THSD7B: variants seen among roughly 807,000 people sequenced by gnomAD.
The protein encoded by THSD7B is thrombospondin type-1 domain-containing protein 7B.
In THSD7B, 138 loss-of-function variants were observed where a neutral mutation model predicts 213.6. The ratio of observed to expected loss-of-function variants is 0.65; its 90% CI spans 0.56 to 0.74. The LOEUF is 0.74. THSD7B is among the 30% of genes least tolerant of loss of function. THSD7B has a pLI of 0.00. For synonymous variants in THSD7B, 742 were observed against 687.0 expected, an observed-to-expected ratio of 1.08 and a Z score of -1.25; for missense variants, 1,931 against 1,991.5, an observed-to-expected ratio of 0.97 and a Z score of 0.58.
intron 1 of THSD7B, among the ~76,000 whole-genome samples, chr2:136,860,976 G>A (rs1354579232): frequency 6.6e-6 from 1 of 152,254 alleles, no homozygotes; most frequent in Non-Finnish European, 1.5e-5. Flanking sequence ...TGCCTAGAAC[G>A]CTGTTTCGCA....
chr2:136,976,645 T>C (rs995877195), intron 2 of THSD7B, among the ~76,000 whole-genome samples: 1 of 151,832 alleles, frequency 6.6e-6, no homozygotes, highest in Non-Finnish European at 1.5e-5. Flanking sequence ...TTTTTTTTTC[T>C]TTTTTTGAGA....
chr2:136,920,107 G>A (rs959712779), intron 2 of THSD7B, among the ~76,000 whole-genome samples: 6 of 152,230 alleles, frequency 3.9e-5, no homozygotes, highest in Non-Finnish European at 7.3e-5. Context: ...GTGGGGGTGT[G>A]TTTCAGCCCT....
intron 2 of THSD7B, among the ~76,000 whole-genome samples, chr2:136,979,101 G>C (rs1208812096): frequency 1.3e-5 from 2 of 152,120 alleles, no homozygotes; most frequent in Non-Finnish European, 2.9e-5. Flanking sequence ...TTTTCTTTAA[G>C]AATGTTGAAT....
intron 2 of THSD7B, among the ~76,000 whole-genome samples, chr2:136,935,555 G>A (rs1222074698): frequency 6.6e-6 from 1 of 152,058 alleles, no homozygotes; most frequent in African/African-American, 2.4e-5. Flanking sequence ...TCAACACAAT[G>A]GGTGAGTTTA....
chr2:137,200,630 A>G (rs1573882075), intron 7 of THSD7B, among the ~76,000 whole-genome samples: 1 of 152,052 alleles, frequency 6.6e-6, no homozygotes, highest in Non-Finnish European at 1.5e-5. Context: ...TCCCAGTCAC[A>G]CATATGGTCC....
At chr2:137,673,287 C>G (rs990731864) in intron 27 of THSD7B, among the ~76,000 whole-genome samples, 1 of 152,210 alleles carries the variant, frequency 6.6e-6, no homozygotes, top group African/African-American at 2.4e-5. Flanking sequence ...TGCCAGTGAT[C>G]TTTCACAGCT....
In THSD7B at chr2:137,028,518, A is replaced by G. The variant is rs182253699; in HGVS notation, c.140-27902A>G. ...GGCAACACATTTAGGAAATGAGAAA[A>G]CATCTAAACTTTCAATTATTTAGTA... is the stretch of plus-strand genomic sequence containing the variant. On this transcript the variant is annotated intron_variant, in intron 2 of 27. Transcript: ENST00000409968. Among the ~76,000 whole-genome samples, 13 of 152,346 alleles carry G rather than the reference A, an allele frequency of 8.5e-5. No homozygotes were observed. The East Asian group carries it at 2.1e-3, about 25-fold the overall frequency.
At chr2:137,146,682 A>T (rs1991734) in intron 5 of THSD7B, among the ~76,000 whole-genome samples, 112,798 of 151,990 alleles carry the variant, frequency 0.74, 42,027 homozygotes, top group Middle Eastern at 0.76. Context: ...AATAAAATAT[A>T]GTACTTATTA....
intron 2 of THSD7B, among the ~76,000 whole-genome samples, chr2:137,030,199 C>T (rs1314351166): frequency 6.6e-6 from 1 of 152,106 alleles, no homozygotes; most frequent in African/African-American, 2.4e-5. Context: ...ACAAGAGATA[C>T]TCCAGGAAGG....
intron 5 of THSD7B, among the ~76,000 whole-genome samples, chr2:137,149,057 C>G (rs1197969902): frequency 6.6e-6 from 1 of 152,138 alleles, no homozygotes; most frequent in Non-Finnish European, 1.5e-5. Context: ...CACTCCTGCT[C>G]TATGCAGCCT....
chr2:137,456,796 T>C lies in THSD7B; in HGVS notation c.3138+5773T>C, dbSNP rs550208457. Among the ~76,000 whole-genome samples, 5 of 152,354 alleles carry C rather than the reference T, an allele frequency of 3.3e-5. No homozygotes were observed. The South Asian group carries it at 1.0e-3, about 32-fold the overall frequency. On this transcript the variant is annotated intron_variant, in intron 15 of 27. Transcript: ENST00000409968. ...GAGTGATTTATTCCTCAGGACTATTTGGGAGGATTTAATTTAGAAGACAAA... is the reference window on the plus strand; with the variant it reads ...GAGTGATTTATTCCTCAGGACTATTCGGGAGGATTTAATTTAGAAGACAAA...
chr2:136,768,786 T>C (rs1246908808), intron 1 of THSD7B, among the ~76,000 whole-genome samples: 4 of 152,234 alleles, frequency 2.6e-5, no homozygotes, highest in African/African-American at 7.2e-5. Flanking sequence ...AAGTGCTTCA[T>C]ATTTTCAAAA....
At chr2:137,524,990 C>T (rs187337557) in intron 15 of THSD7B, among the ~76,000 whole-genome samples, 119 of 152,150 alleles carry the variant, frequency 7.8e-4, no homozygotes, top group Non-Finnish European at 1.1e-3. Context: ...AAGGAGAGGC[C>T]GTGCTTCATG....
chr2:136,887,866 G>C (rs1683746607), intron 2 of THSD7B, among the ~76,000 whole-genome samples: 1 of 152,048 alleles, frequency 6.6e-6, no homozygotes, highest in Admixed American at 6.6e-5. Context: ...AGGGGAAAAA[G>C]TTGTTTAACC....
At chr2:136,841,759 A>G (rs1181199382) in intron 1 of THSD7B, among the ~76,000 whole-genome samples, 2 of 152,146 alleles carry the variant, frequency 1.3e-5, no homozygotes, top group East Asian at 3.9e-4. Flanking sequence ...TGAGACACCT[A>G]CAAGAATACA....
At chr2:137,353,205 A>G (rs148598260) in intron 12 of THSD7B, among the ~76,000 whole-genome samples, 3 of 152,240 alleles carry the variant, frequency 2.0e-5, no homozygotes, top group African/African-American at 7.2e-5. Context: ...TGTTGACAGT[A>G]AAAGCAGAGT....
intron 15 of THSD7B, among the ~76,000 whole-genome samples, chr2:137,524,961 C>T (rs979684626): frequency 1.3e-5 from 2 of 152,080 alleles, no homozygotes; most frequent in Admixed American, 1.3e-4. Context: ...TGTATGTTGG[C>T]AGCTAGATGG....
chr2:137,381,179 C>G (rs116074590), intron 12 of THSD7B, among the ~76,000 whole-genome samples: 2 of 152,304 alleles, frequency 1.3e-5, no homozygotes, highest in East Asian at 1.9e-4. Context: ...GATTGTGGTA[C>G]CCGGTGGCAG....
chr2:137,515,902 A>G (rs949742588), intron 15 of THSD7B, among the ~76,000 whole-genome samples: 1 of 152,200 alleles, frequency 6.6e-6, no homozygotes, highest in African/African-American at 2.4e-5. Flanking sequence ...CAGAAGATAT[A>G]TCCTTGACCA....
Sources: gnomAD v4.1 joint callset for allele counts (sites outside exome capture counted in the v4.1 genomes callset) on GRCh38, gnomAD v4.1.1 for gene constraint, MANE v1.5 for transcripts, NCBI Gene and HGNC (gene_info 2026-07-23, HGNC 2026-07-21) for gene names.